The following E2F1 variants were observed in gnomAD, a reference collection of about 807,000 sequenced individuals.
E2F1 encodes the protein E2F transcription factor 1, also known as transcription factor E2F1.
E2F1 carries 7 observed loss-of-function variants against 36.9 expected under a neutral mutation model. The observed-to-expected ratio is 0.19, with a 90% CI of 0.11 to 0.36. The LOEUF (loss-of-function observed/expected upper bound fraction) is 0.36. E2F1 is among the 10% of genes least tolerant of loss of function. The pLI, the probability that E2F1 is intolerant of heterozygous loss-of-function variation, is 1.00. For synonymous variants in E2F1, 261 were observed against 263.1 expected (o/e 0.99, Z 0.08); for missense variants, 406 against 573.6 (o/e 0.71, Z 2.99).
Position 33,686,200 on chromosome 20 carries a change from GC to G in E2F1, c.64del (p.Ala22ProfsTer67), listed in dbSNP as rs1334238663. 1 of 1,038,384 alleles carries G rather than the reference GC, an allele frequency of 9.6e-7. No individual in the cohort carries two copies. Among genetic ancestry groups the G allele is most frequent in the Non-Finnish European group, 1.2e-6 (1 of 865,990 alleles). The allele number at this position is 1,038,384 out of a possible 1,614,324, so 64.3% of individuals were successfully genotyped here. On this transcript the variant is annotated frameshift_variant, in exon 1 of 7. Transcript: ENST00000343380. LOFTEE classifies it high-confidence loss of function. ...CAPALEALLGAGALRLLDSSQ... is the reference protein window; with the variant it reads ...CAPALEALLGXGALRLLDSSQ... ...GGAGTCGAGCAGCCGCAGCGCGCCGGCCCCGAGCAGGGCCTCCAGCGCCGGC... is the reference window on the plus strand; with the variant it reads ...GGAGTCGAGCAGCCGCAGCGCGCCGGCCCGAGCAGGGCCTCCAGCGCCGGC...
chr20:33,679,692 C>T lies in E2F1; in HGVS notation c.572+63G>A, dbSNP rs1046184172. On this transcript the variant is annotated intron_variant, in intron 3 of 6. Transcript: ENST00000343380. This position sits in a 1 kb window ranked among gnomAD's most constrained non-coding sequence, Gnocchi z 4.6. ...ATGCAGGCAGCCACAGTGGGTATTA[C>T]TACCAGCTCCTCCAGGCTGGCATGG... 6.6e-7 allele frequency: 1 copy of T among 1,510,084 alleles called. No homozygotes were observed. The highest frequency in any genetic ancestry group is 1.1e-5 in the South Asian group (1 of 88,940). 93.5% of individuals were successfully genotyped at this position (1,510,084 alleles called of 1,614,324 possible).
In E2F1 at chr20:33,678,236, C is replaced by A. The variant is rs201920937; in HGVS notation, c.690G>T (p.Gln230His). The part of the protein sequence containing the change: ...LDHLMNICTT[Q>H]LRLLSEDTDS... ...CAGTGTCCTCGGAGAGCAGGCGCAGCTGCGTAGTACAGATATTCATCAGGT... is the reference window on the plus strand; with the variant it reads ...CAGTGTCCTCGGAGAGCAGGCGCAGATGCGTAGTACAGATATTCATCAGGT... The change falls in exon 4 of 7, where the codon CAG becomes CAT. Residue 230 changes from glutamine (Q) to histidine (H), a missense_variant. Gln to His is a conservative substitution (Grantham distance 24, BLOSUM62 0). Transcript: ENST00000343380. 202 of 1,613,582 alleles carry A rather than the reference C, an allele frequency of 1.3e-4. No individual in the cohort carries two copies. The highest frequency in any genetic ancestry group is 9.6e-5 in the Non-Finnish European group (113 of 1,179,872).
In E2F1 at chr20:33,675,974, G is replaced by C. The variant is rs1366815095; in HGVS notation, c.*758C>G. 6.5e-6 allele frequency: 1 copy of C among 152,954 alleles called. No individual in the cohort carries two copies. Among genetic ancestry groups the C allele is most frequent in the Non-Finnish European group, 1.5e-5 (1 of 68,556 alleles). The allele number at this position is 152,954 out of a possible 1,614,324, so 9.5% of individuals were successfully genotyped here. On this transcript the variant is annotated 3_prime_UTR_variant, in exon 7 of 7. Coordinates refer to ENST00000343380, the MANE Select transcript of E2F1 (RefSeq NM_005225.3). ...CCCCACCATCTGACCACCCATGGCTGTCAGTCAGTCTGTCTCCCTCCCTCA... is the reference window on the plus strand; with the variant it reads ...CCCCACCATCTGACCACCCATGGCTCTCAGTCAGTCTGTCTCCCTCCCTCA...
Position 33,677,345 on chromosome 20 carries a change from C to G in E2F1, c.841-15G>C, listed in dbSNP as rs778924828. ...ATCTGAAAGTTCTGGGTGGAAGCAG[C>G]AGGCAGGGTAAACTGAGGCCCAGGT... is the stretch of plus-strand genomic sequence containing the variant. On this transcript the variant is annotated splice_polypyrimidine_tract_variant and intron_variant, in intron 5 of 6. Transcript: ENST00000343380. 4 of 1,611,516 alleles carry G rather than the reference C, an allele frequency of 2.5e-6. No homozygotes were observed. The highest frequency in any genetic ancestry group is 3.4e-6 in the Non-Finnish European group (4 of 1,178,358).
In E2F1 at chr20:33,677,441, G is replaced by A. The variant is rs529768589; in HGVS notation, c.825C>T (p.Ala275=). The change falls in exon 5 of 7, where the codon GCC becomes GCT. Residue 275 remains alanine, a synonymous_variant. Coordinates refer to ENST00000343380, the MANE Select transcript of E2F1 (RefSeq NM_005225.3). ...CAGATCTCACCTCCGAAGAGTCCAC[G>A]GCTTGGAGCTGGGTCTCAGGAGGGG... The part of the protein sequence containing the change: ...IKAPPETQLQ[A]VDSSENFQIS... 1.5e-5 allele frequency: 25 copies of A among 1,614,118 alleles called. No individual in the cohort carries two copies. In the African/African-American group the frequency reaches 1.7e-4, roughly 11 times the overall value.
intron 1 of E2F1, among the ~76,000 whole-genome samples, chr20:33,685,695 G>C (rs1472881272): frequency 6.6e-6 from 1 of 152,216 alleles, no homozygotes; most frequent in African/African-American, 2.4e-5. Context: ...TCGCCCAAAG[G>C]CCTGGCATGC....
In E2F1 at chr20:33,685,992, T is replaced by C. The variant is rs965896260; in HGVS notation, c.261+12A>G. On this transcript the variant is annotated intron_variant, in intron 1 of 6. Coordinates refer to ENST00000343380, the MANE Select transcript of E2F1 (RefSeq NM_005225.3). ...GGCGGCGCTGTCGGCGCGGCGTCCC[T>C]GGGGTCCGTACCGGCGGGCGGCCGA... 2.1e-5 allele frequency: 24 copies of C among 1,127,980 alleles called. No homozygotes were observed. Among genetic ancestry groups the C allele is most frequent in the Non-Finnish European group, 2.3e-5 (21 of 922,570 alleles). The allele number at this position is 1,127,980 out of a possible 1,614,324, so 69.9% of individuals were successfully genotyped here.
At chr20:33,681,866 C>T (rs1380936009) in intron 1 of E2F1, among the ~76,000 whole-genome samples, 4 of 152,116 alleles carry the variant, frequency 2.6e-5, no homozygotes, top group Non-Finnish European at 4.4e-5. Context: ...ACCATGCCGC[C>T]GCCCCTGCTT....
At chr20:33,680,302 GCCC>G in intron 2 of E2F1, 21 bp downstream of exon 2, 2 of 1,611,068 alleles carry the variant, frequency 1.2e-6, no homozygotes, top group Non-Finnish European at 1.7e-6. Flanking sequence ...CAGGGGGTCT[GCCC>G]AGCCCAAGCT....
At position 33,686,064 on chromosome 20, in the gene E2F1, G is replaced by A; in HGVS notation, c.201C>T (p.Ala67=). Residue 67 remains alanine (A), a synonymous_variant, in exon 1 of 7, where the codon GCC becomes GCT. Transcript: ENST00000343380. ...GTGTGGGCCGGGGCGCCTGCGGTGTGGCGAAGAGCAGCAGGTCAGGGTCGC... is the reference window on the plus strand; with the variant it reads ...GTGTGGGCCGGGGCGCCTGCGGTGTAGCGAAGAGCAGCAGGTCAGGGTCGC... ...GPCDPDLLLF[A]TPQAPRPTPS... is the part of the protein sequence containing the mutation. The A allele has an allele frequency of 1.5e-5, 17 of 1,122,306 alleles. No individual in the cohort carries two copies. The highest frequency in any genetic ancestry group is 1.8e-5 in the Non-Finnish European group (17 of 919,400). The allele number at this position is 1,122,306 out of a possible 1,614,324, so 69.5% of individuals were successfully genotyped here.
intron 3 of E2F1, 109 bp from the exon 4 acceptor site, chr20:33,678,462 G>A: frequency 1.4e-6 from 2 of 1,388,510 alleles, no homozygotes; most frequent in East Asian, 2.3e-5. Flanking sequence ...GTGAGGCCTA[G>A]GCAAGCCCTT....
rs997770717 is a variant in E2F1 at position 33,679,877 on chromosome 20, G to A, written c.450C>T (p.Val150=). The part of the protein sequence containing the change: ...LELLSHSADG[V]VDLNWAAEVL... ...CCTCGGCAGCCCAGTTCAGGTCGAC[G>A]ACACCGTCAGCCGAGTGGCTCAGCA... Residue 150 remains valine, a synonymous_variant, in exon 3 of 7, where the codon GTC becomes GTT. Coordinates refer to ENST00000343380, the MANE Select transcript of E2F1 (RefSeq NM_005225.3). The surrounding 1 kb of genome is among the most constrained non-coding windows in gnomAD (Gnocchi z 4.6). The A allele has an allele frequency of 3.7e-6, 6 of 1,614,228 alleles. No homozygotes were observed. Among genetic ancestry groups the A allele is most frequent in the African/African-American group, 2.7e-5 (2 of 75,062 alleles).
chr20:33,685,038 A>G (rs1300602658), intron 1 of E2F1, among the ~76,000 whole-genome samples: 1 of 151,746 alleles, frequency 6.6e-6, no homozygotes, highest in Non-Finnish European at 1.5e-5. Context: ...CCCTTCTCCC[A>G]CTGGAATTCA....
In E2F1 at chr20:33,676,728, C is replaced by A. The variant is rs2017963322; in HGVS notation, c.*4G>T. ...TCTGGAAACCCTGGTCCCTCCAAGC[C>A]CTGTCAGAAATCCAGGGGGGTGAGG... On this transcript the variant is annotated 3_prime_UTR_variant, in exon 7 of 7. Transcript: ENST00000343380. 3 of 1,606,228 alleles carry A rather than the reference C, an allele frequency of 1.9e-6. No homozygotes were observed. The highest frequency in any genetic ancestry group is 1.3e-5 in the African/African-American group (1 of 74,798).
Position 33,677,522 on chromosome 20 carries a change from A to G in E2F1, c.744T>C (p.Cys248=). The G allele has an allele frequency of 6.2e-7, 1 of 1,613,968 alleles. No individual in the cohort carries two copies. The highest frequency in any genetic ancestry group is 8.5e-7 in the Non-Finnish European group (1 of 1,179,942). Residue 248 remains cysteine (C), a synonymous_variant, in exon 5 of 7, where the codon TGT becomes TGC. Coordinates refer to ENST00000343380, the MANE Select transcript of E2F1 (RefSeq NM_005225.3). ...GGTCTGCAATGCTACGAAGGTCCTGACACGTCACGTAGGCCAGGGTTGGCA... is the reference window on the plus strand; with the variant it reads ...GGTCTGCAATGCTACGAAGGTCCTGGCACGTCACGTAGGCCAGGGTTGGCA... The part of the protein sequence containing the change: ...TDSQRLAYVT[C]QDLRSIADPA...
At position 33,686,261 on chromosome 20, in the gene E2F1, C is replaced by A; in HGVS notation, c.4G>T (p.Ala2Ser). ...CCGCCCGCAGGGGCCCCGGCCAAGG[C>A]CATGACGCTCACGGCCCGCGCGGCC... M[A>S]LAGAPAGGPC... The change falls in exon 1 of 7, where the codon GCC becomes TCC. Residue 2 changes from alanine (A) to serine (S), a missense_variant. Ala to Ser is a moderately conservative substitution (Grantham distance 99, BLOSUM62 1). Transcript: ENST00000343380. 9.9e-7 allele frequency: 1 copy of A among 1,009,116 alleles called. No individual in the cohort carries two copies. Among genetic ancestry groups the A allele is most frequent in the Non-Finnish European group, 1.2e-6 (1 of 847,150 alleles). The allele number at this position is 1,009,116 out of a possible 1,614,324, so 62.5% of individuals were successfully genotyped here.
At chr20:33,684,197 C>T (rs1310162570) in intron 1 of E2F1, among the ~76,000 whole-genome samples, 1 of 152,198 alleles carries the variant, frequency 6.6e-6, no homozygotes, top group Non-Finnish European at 1.5e-5. Flanking sequence ...TTGCCCCTGT[C>T]CCTCCCTTTG....
At chr20:33,684,789 G>C (rs1487938829) in intron 1 of E2F1, among the ~76,000 whole-genome samples, 3 of 152,100 alleles carry the variant, frequency 2.0e-5, no homozygotes, top group Non-Finnish European at 4.4e-5. Flanking sequence ...GGATGCCTCA[G>C]GGACCAGCTG....
At chr20:33,678,830 C>T (rs1024500785) in intron 3 of E2F1, among the ~76,000 whole-genome samples, 1 of 152,126 alleles carries the variant, frequency 6.6e-6, no homozygotes, top group Non-Finnish European at 1.5e-5. Flanking sequence ...GTGGCATGTA[C>T]TTGTAGTCCT....
Sources: allele counts gnomAD v4.1 joint callset (sites outside exome capture counted in the v4.1 genomes callset), GRCh38; gene constraint gnomAD v4.1.1; non-coding constraint Gnocchi (gnomAD v3.1); transcripts MANE v1.5; gene names NCBI Gene and HGNC (gene_info 2026-07-23, HGNC 2026-07-21).